USP45: variants seen among roughly 807,000 people sequenced by gnomAD.
USP45 encodes the protein ubiquitin specific peptidase 45, also known as ubiquitin carboxyl-terminal hydrolase 45.
USP45 carries 89 observed loss-of-function variants against 95.8 expected under a neutral mutation model. The ratio of observed to expected loss-of-function variants is 0.93; its 90% CI spans 0.78 to 1.11. The LOEUF (loss-of-function observed/expected upper bound fraction) is 1.11. Ranked by LOEUF, USP45 falls within the 50% of genes least tolerant of loss-of-function variation. The probability of loss-of-function intolerance (pLI) is 0.00; values close to 1 mark genes in which losing one functional copy is unlikely to be tolerated. For synonymous variants in USP45, 281 were observed against 316.2 expected, an observed-to-expected ratio of 0.89 and a Z score of 1.18; for missense variants, 898 against 942.5, an observed-to-expected ratio of 0.95 and a Z score of 0.62.
At chr6:99,471,060 T>A (rs921598610) in intron 9 of USP45, among the ~76,000 whole-genome samples, 3 of 152,214 alleles carry the variant, frequency 2.0e-5, no homozygotes, top group African/African-American at 7.2e-5. Context: ...AAGCTGTGAT[T>A]ACACTCTAAA....
intron 13 of USP45, among the ~76,000 whole-genome samples, chr6:99,456,718 C>T (rs529365463): frequency 1.3e-5 from 2 of 152,152 alleles, no homozygotes; most frequent in South Asian, 2.1e-4. Flanking sequence ...GTGATAATTG[C>T]GTTAACTGCA....
chr6:99,464,134 C>T (rs1787279310), intron 13 of USP45, among the ~76,000 whole-genome samples: 1 of 151,760 alleles, frequency 6.6e-6, no homozygotes, highest in Non-Finnish European at 1.5e-5. Flanking sequence ...TGGTGAAACC[C>T]CGTCTCTATT....
chr6:99,505,709 C>A (rs1798379574), intron 4 of USP45, among the ~76,000 whole-genome samples: 1 of 151,922 alleles, frequency 6.6e-6, no homozygotes. Context: ...ATCTTCTTAC[C>A]CACCTTTTTC....
At chr6:99,455,804 C>T (rs1293768626) in intron 13 of USP45, among the ~76,000 whole-genome samples, 1 of 123,932 alleles carries the variant, frequency 8.1e-6, no homozygotes, top group East Asian at 2.5e-4. Context: ...CATGTTCTCA[C>T]TCTTATGTGA....
intron 1 of USP45, among the ~76,000 whole-genome samples, chr6:99,513,728 G>C (rs1800455935): frequency 6.6e-6 from 1 of 152,104 alleles, no homozygotes; most frequent in African/African-American, 2.4e-5. Context: ...TGATTTTTCT[G>C]CCATATGTAA....
rs767478429 is a variant in USP45 at position 99,482,804 on chromosome 6, G to C, written c.794C>G (p.Thr265Ser). 1.2e-6 allele frequency: 2 copies of C among 1,605,430 alleles called. No homozygotes were observed. The highest frequency in any genetic ancestry group is 2.2e-5 in the East Asian group (1 of 44,568). ...LFLFLHSMKETEKGPLSPKVL... is the reference protein window; with the variant it reads ...LFLFLHSMKESEKGPLSPKVL... ...TTTAGGAGAAAGTGGTCCTTTTTCA[G>C]TCTCCTTCATGCTGTGAAGAAACAG... Residue 265 changes from threonine (T) to serine (S), a missense_variant, in exon 8 of 18, where the codon ACT becomes AGT. Physicochemically the swap from Thr to Ser is moderately conservative, Grantham distance 58 (BLOSUM62 1). Coordinates refer to ENST00000500704, the MANE Select transcript of USP45 (RefSeq NM_001346022.3).
chr6:99,435,634 G>T lies in USP45; in HGVS notation c.*82C>A. On this transcript the variant is annotated 3_prime_UTR_variant, in exon 18 of 18. Coordinates refer to ENST00000500704, the MANE Select transcript of USP45 (RefSeq NM_001346022.3). ...CATGCTATTCCTACAGAAGAGGGAA[G>T]ACTAGAAAGGCACATTATATATTAT... 1 of 1,229,878 alleles carries T rather than the reference G, an allele frequency of 8.1e-7. No homozygotes were observed. The highest frequency in any genetic ancestry group is 1.1e-6 in the Non-Finnish European group (1 of 903,058). The allele number at this position is 1,229,878 out of a possible 1,614,324, so 76.2% of individuals were successfully genotyped here. A position where few individuals can be genotyped will look rare whatever the true frequency, so the allele number is the denominator to read the frequency against.
intron 15 of USP45, 35 bp downstream of exon 15, chr6:99,443,530 A>C: frequency 6.9e-7 from 1 of 1,445,446 alleles, no homozygotes; most frequent in Non-Finnish European, 9.7e-7. Flanking sequence ...TGTAAAACAC[A>C]TGATGAAAAT....
intron 7 of USP45, among the ~76,000 whole-genome samples, chr6:99,483,859 A>AAT (rs1373477580): frequency 8.6e-5 from 13 of 150,574 alleles, no homozygotes; most frequent in African/African-American, 3.2e-4. Flanking sequence ...AAAAAAAAAA[A>AAT]AAAAGAATGT....
At chr6:99,488,948 G>T in intron 5 of USP45, 128 bp from the exon 6 acceptor site, 1 of 700,346 alleles carries the variant, frequency 1.4e-6, no homozygotes, top group Non-Finnish European at 2.1e-6. Flanking sequence ...TTCCTGAAGG[G>T]GAAGAATATA....
intron 13 of USP45, chr6:99,461,127 A>C: frequency 1.0e-6 from 1 of 984,680 alleles, no homozygotes; most frequent in Non-Finnish European, 1.2e-6. Flanking sequence ...TCTTTCATAA[A>C]ACTAATATAC....
intron 5 of USP45, among the ~76,000 whole-genome samples, chr6:99,492,827 CT>C (rs1418403391): frequency 2.0e-5 from 3 of 152,070 alleles, no homozygotes; most frequent in African/African-American, 7.2e-5. Flanking sequence ...AAGTGTTTTA[CT>C]TAAAATAAAA....
intron 4 of USP45, among the ~76,000 whole-genome samples, chr6:99,506,454 G>A (rs564645244): frequency 7.2e-5 from 11 of 152,118 alleles, no homozygotes; most frequent in Admixed American, 2.0e-4. Context: ...GACTACAGGC[G>A]TGCGCCACCA....
chr6:99,447,718 T>C lies in USP45; in HGVS notation c.1309-1255A>G, dbSNP rs192230403. Among the ~76,000 whole-genome samples the C allele has an allele frequency of 3.9e-5, 6 of 152,220 alleles. No homozygotes were observed. The East Asian group carries it at 1.2e-3, about 29-fold the overall frequency. On this transcript the variant is annotated intron_variant, in intron 13 of 17. Transcript: ENST00000500704. ...AGTAGTGGTTCTCGCAGCACAGAGT[T>C]TGAGATCTGAGAACGGACAGACTGC...
At chr6:99,437,525 C>T (rs1422681158) in intron 16 of USP45, 126 bp from the exon 17 acceptor site, 4 of 1,023,950 alleles carry the variant, frequency 3.9e-6, no homozygotes, top group South Asian at 2.1e-5. Flanking sequence ...ACTTTCCATA[C>T]TTACTAGGCT....
intron 9 of USP45, among the ~76,000 whole-genome samples, chr6:99,475,433 A>G (rs1790576643): frequency 6.7e-6 from 1 of 150,098 alleles, no homozygotes; most frequent in Non-Finnish European, 1.5e-5. Context: ...CTCCTGCCTC[A>G]GCCTCCCAAG....
chr6:99,495,212 C>T (rs1796048807), intron 5 of USP45, among the ~76,000 whole-genome samples: 1 of 151,972 alleles, frequency 6.6e-6, no homozygotes, highest in African/African-American at 2.4e-5. Flanking sequence ...CAAGAAATTC[C>T]AAAAAAATTT....
intron 9 of USP45, among the ~76,000 whole-genome samples, chr6:99,475,166 C>T (rs191321214): frequency 4.5e-4 from 68 of 152,128 alleles, no homozygotes; most frequent in Non-Finnish European, 8.2e-4. Context: ...CATACAAATA[C>T]TGCTTGGTCT....
At chr6:99,458,026 T>C (rs191551411) in intron 13 of USP45, among the ~76,000 whole-genome samples, 3 of 152,248 alleles carry the variant, frequency 2.0e-5, no homozygotes, top group East Asian at 3.9e-4. Context: ...ATTATTACTA[T>C]TAGTATTATT....
Sources: gnomAD v4.1 joint callset for allele counts (sites outside exome capture counted in the v4.1 genomes callset) on GRCh38, gnomAD v4.1.1 for gene constraint, MANE v1.5 for transcripts, NCBI Gene and HGNC (gene_info 2026-07-23, HGNC 2026-07-21) for gene names.